Variants in ARHGEF10 observed in about 807,000 individuals in gnomAD.
ARHGEF10 encodes the protein Rho guanine nucleotide exchange factor 10.
In ARHGEF10, 140 loss-of-function variants were observed where a neutral mutation model predicts 147.4. The observed-to-expected ratio is 0.95, with a 90% CI of 0.83 to 1.09. ARHGEF10 has a LOEUF of 1.09. Ranked by LOEUF, ARHGEF10 falls within the 50% of genes least tolerant of loss-of-function variation. ARHGEF10 has a pLI of 0.00. For synonymous variants in ARHGEF10, 902 were observed against 695.8 expected (o/e 1.30, Z -4.67); for missense variants, 2,222 against 1,752.7 (o/e 1.27, Z -4.78).
chr8:1,906,805 A>G (rs527258514), intron 17 of ARHGEF10, among the ~76,000 whole-genome samples: 17 of 152,382 alleles, frequency 1.1e-4, no homozygotes, highest in African/African-American at 3.8e-4. Context: ...AAGCTGCTGC[A>G]GGGCACCTGG....
intron 19 of ARHGEF10, 45 bp from the exon 20 acceptor site, chr8:1,923,423 A>C (rs1402579875): frequency 6.2e-7 from 1 of 1,613,580 alleles, no homozygotes; most frequent in Non-Finnish European, 8.5e-7. Flanking sequence ...GGATGGCCCT[A>C]GTTTTTAAAC....
At chr8:1,881,238 C>T (rs1236304802) in intron 9 of ARHGEF10, among the ~76,000 whole-genome samples, 3 of 149,786 alleles carry the variant, frequency 2.0e-5, no homozygotes, top group Non-Finnish European at 4.5e-5. Context: ...ATCCGGGAGT[C>T]CTGGCCGAGG....
At chr8:1,855,721 C>T (rs570699110) in intron 2 of ARHGEF10, among the ~76,000 whole-genome samples, 1 of 152,258 alleles carries the variant, frequency 6.6e-6, no homozygotes, top group African/African-American at 2.4e-5. Context: ...TCATTTTCGT[C>T]ACGGCATTTA....
rs1412917527 is a variant in ARHGEF10, at chr8:1,933,949, C to G, written c.3222+7C>G. On this transcript the variant is annotated splice_region_variant and intron_variant, in intron 26 of 28. Transcript: ENST00000349830. ...GGAGACTCATGCTGTAGAGGTAAGT[C>G]ACTTAGGTGGCTACACGGTGTGGAA... The G allele has an allele frequency of 3.7e-6, 6 of 1,614,014 alleles. No homozygotes were observed. In the Admixed American group the frequency reaches 1.0e-4, roughly 27 times the overall value.
rs370829875 is a variant in ARHGEF10, at chr8:1,940,604, G to C, written c.3223-4877G>C. Among the ~76,000 whole-genome samples, 3 of 152,242 alleles carry C rather than the reference G, an allele frequency of 2.0e-5. No individual in the cohort carries two copies. In the East Asian group the frequency reaches 5.8e-4, roughly 29 times the overall value. ...CTTTCCCAAACTCTCCAAAAATATT[G>C]ATGAGGACGGAACAACACTTCCTAC... On this transcript the variant is annotated intron_variant, in intron 26 of 28. Transcript: ENST00000349830.
chr8:1,857,802 C>A (rs1169990946), intron 2 of ARHGEF10, among the ~76,000 whole-genome samples, 158 bp from the exon 3 acceptor site: 2 of 151,884 alleles, frequency 1.3e-5, no homozygotes, highest in African/African-American at 4.8e-5. Context: ...CTTATTTTGC[C>A]CCTTAAAAAG....
chr8:1,875,445 C>G (rs1807615743), intron 7 of ARHGEF10, among the ~76,000 whole-genome samples: 1 of 152,092 alleles, frequency 6.6e-6, no homozygotes, highest in Non-Finnish European at 1.5e-5. Context: ...AGGATGATGC[C>G]CAGCCCCAAA....
At chr8:1,884,618 A>G (rs1005756095) in intron 10 of ARHGEF10, among the ~76,000 whole-genome samples, 1 of 152,166 alleles carries the variant, frequency 6.6e-6, no homozygotes, top group African/African-American at 2.4e-5. Flanking sequence ...CCCCTTAGAT[A>G]GATGTTTCTG....
intron 18 of ARHGEF10, among the ~76,000 whole-genome samples, chr8:1,914,848 G>T (rs1337807541): frequency 6.6e-6 from 1 of 152,160 alleles, no homozygotes; most frequent in Non-Finnish European, 1.5e-5. Flanking sequence ...CGAGTACTGA[G>T]AGCAAACACA....
rs1434045906 is a variant in ARHGEF10 at position 1,876,875 on chromosome 8, T to A, written c.843+141T>A. 6.4e-6 allele frequency: 6 copies of A among 933,320 alleles called. No homozygotes were observed. In the East Asian group the frequency reaches 1.3e-4, roughly 20 times the overall value. 57.8% of individuals were successfully genotyped at this position (933,320 alleles called of 1,614,324 possible). A position where few individuals can be genotyped will look rare whatever the true frequency, so the allele number is the denominator to read the frequency against. Reference sequence around the variant, plus strand: ...AGTAGTTTGGGGAAAGCATAAGATATTGGCAAAGGAGAAGACGTGTCTTGT... The same window carrying A: ...AGTAGTTTGGGGAAAGCATAAGATAATGGCAAAGGAGAAGACGTGTCTTGT... On this transcript the variant is annotated intron_variant, in intron 8 of 28. Coordinates refer to ENST00000349830, the MANE Select transcript of ARHGEF10 (RefSeq NM_014629.4).
At chr8:1,913,336 A>G (rs2129190330) in intron 18 of ARHGEF10, among the ~76,000 whole-genome samples, 1 of 152,258 alleles carries the variant, frequency 6.6e-6, no homozygotes, top group Non-Finnish European at 1.5e-5. Context: ...AACTGGTCTC[A>G]AGTCAGTGTA....
chr8:1,866,406 T>C lies in ARHGEF10; in HGVS notation c.546-120T>C, dbSNP rs546134000. ...ATATGTGATTTCCTGTATAGTAACATATATATATATATTCTGACACACACA... is the reference window on the plus strand; with the variant it reads ...ATATGTGATTTCCTGTATAGTAACACATATATATATATTCTGACACACACA... On this transcript the variant is annotated intron_variant, in intron 5 of 28. Coordinates refer to ENST00000349830, the MANE Select transcript of ARHGEF10 (RefSeq NM_014629.4). The C allele has an allele frequency of 7.5e-5, 34 of 455,528 alleles. No homozygotes were observed. The East Asian group carries it at 2.0e-3, about 27-fold the overall frequency. 28.2% of individuals were successfully genotyped at this position (455,528 alleles called of 1,614,324 possible).
chr8:1,869,167 TA>T, intron 6 of ARHGEF10, 26 bp from the exon 7 acceptor site: 3 of 1,604,970 alleles, frequency 1.9e-6, no homozygotes, highest in Non-Finnish European at 2.6e-6. Flanking sequence ...GGTCACTGTT[TA>T]AAGTGTTTCT....
chr8:1,917,045 G>T (rs1811811476), intron 18 of ARHGEF10, among the ~76,000 whole-genome samples: 1 of 152,194 alleles, frequency 6.6e-6, no homozygotes, highest in African/African-American at 2.4e-5. Context: ...CCTCATGATT[G>T]AAACTGAGTT....
intron 23 of ARHGEF10, chr8:1,927,229 C>G (rs986641401): frequency 6.5e-6 from 1 of 152,988 alleles, no homozygotes; most frequent in African/African-American, 2.4e-5. Context: ...GAACTGTTTT[C>G]CGTCCAGGTA....
intron 28 of ARHGEF10, 73 bp downstream of exon 28, chr8:1,952,900 G>C: frequency 1.3e-6 from 2 of 1,597,306 alleles, no homozygotes; most frequent in East Asian, 2.2e-5. Context: ...TGTGTAGTGT[G>C]ATTTAACATC....
intron 4 of ARHGEF10, among the ~76,000 whole-genome samples, chr8:1,861,480 T>C (rs1373429065): frequency 2.0e-5 from 3 of 152,240 alleles, no homozygotes; most frequent in Non-Finnish European, 2.9e-5. Flanking sequence ...TCTGTTTCTA[T>C]GCTGTCTTTC....
chr8:1,882,875 G>A (rs957725222), intron 10 of ARHGEF10, 126 bp downstream of exon 10: 16 of 858,250 alleles, frequency 1.9e-5, no homozygotes, highest in Non-Finnish European at 2.8e-5. Context: ...GCACCAGCCT[G>A]CTCAGTGCTT....
intron 1 of ARHGEF10, among the ~76,000 whole-genome samples, chr8:1,833,422 A>G (rs879578253): frequency 7.2e-4 from 109 of 151,710 alleles, no homozygotes; most frequent in Non-Finnish European, 1.4e-3. Context: ...AGGCAGAGAC[A>G]GAGACAGAGA....
Sources: allele counts gnomAD v4.1 joint callset (sites outside exome capture counted in the v4.1 genomes callset), GRCh38; gene constraint gnomAD v4.1.1; transcripts MANE v1.5; gene names NCBI Gene and HGNC (gene_info 2026-07-23, HGNC 2026-07-21).